Variants in NALCN observed in about 807,000 individuals in gnomAD.
NALCN encodes the protein sodium leak channel NALCN.
In NALCN, 111 loss-of-function variants were observed where a neutral mutation model predicts 225.3. That is an observed-to-expected ratio of 0.49 (90% CI 0.42 to 0.58). NALCN has a LOEUF of 0.58. Ranked by LOEUF, NALCN falls within the 20% of genes least tolerant of loss-of-function variation. NALCN has a pLI of 0.00. For missense variants in NALCN, 1,378 were observed against 2,202.4 expected, an observed-to-expected ratio of 0.63 and a Z score of 7.49; for synonymous variants, 764 against 769.0, an observed-to-expected ratio of 0.99 and a Z score of 0.11.
At chr13:101,395,466 T>TC in intron 2 of NALCN, 101 bp from the exon 3 acceptor site, 1 of 1,126,922 alleles carries the variant, frequency 8.9e-7, no homozygotes, top group Non-Finnish European at 1.2e-6. Flanking sequence ...GAGGTTAAAA[T>TC]AGTTTACTAA....
intron 12 of NALCN, among the ~76,000 whole-genome samples, chr13:101,237,246 C>A (rs1369190163): frequency 6.6e-6 from 1 of 151,902 alleles, no homozygotes; most frequent in Non-Finnish European, 1.5e-5. Flanking sequence ...AAGTAACAGG[C>A]ATTTATAAAT....
At chr13:101,255,349 G>A (rs933870420) in intron 11 of NALCN, among the ~76,000 whole-genome samples, 4 of 152,152 alleles carry the variant, frequency 2.6e-5, no homozygotes, top group Non-Finnish European at 5.9e-5. Flanking sequence ...ACATGAAAAA[G>A]TTAGGTAAAA....
intron 7 of NALCN, among the ~76,000 whole-genome samples, chr13:101,317,693 C>G (rs746000326): frequency 6.6e-6 from 1 of 152,162 alleles, no homozygotes; most frequent in African/African-American, 2.4e-5. Context: ...TCTTCCTGTT[C>G]TTTCACACCC....
At position 101,292,038 on chromosome 13, in the gene NALCN, T is replaced by C; in HGVS notation, c.999A>G (p.Gln333=). 6.2e-7 allele frequency: 1 copy of C among 1,614,118 alleles called. No homozygotes were observed. Among genetic ancestry groups the C allele is most frequent in the Non-Finnish European group, 8.5e-7 (1 of 1,180,016 alleles). ...ETFAEIRVQF[Q]QMWGSRSSTT... ...TGCTGCTTCTCGATCCCCACATTTG[T>C]TGAAACTGTACTCTGATTTCTGCAA... Residue 333 remains glutamine (Q), a synonymous_variant, in exon 9 of 44, where the codon CAA becomes CAG. Transcript: ENST00000251127. This position sits in a 1 kb window ranked among gnomAD's most constrained non-coding sequence, Gnocchi z 4.3.
At chr13:101,372,237 C>T (rs1053765600) in intron 6 of NALCN, among the ~76,000 whole-genome samples, 3 of 152,128 alleles carry the variant, frequency 2.0e-5, no homozygotes, top group African/African-American at 2.4e-5. Context: ...TTGAAAATTT[C>T]TGTCATGTCT....
At chr13:101,350,177 C>T (rs1443364044) in intron 6 of NALCN, among the ~76,000 whole-genome samples, 2 of 152,120 alleles carry the variant, frequency 1.3e-5, no homozygotes, top group Non-Finnish European at 2.9e-5. Context: ...AATCACTGTC[C>T]TACCTTAACA....
At chr13:101,091,837 C>T (rs1257613170) in intron 28 of NALCN, among the ~76,000 whole-genome samples, 2 of 152,040 alleles carry the variant, frequency 1.3e-5, no homozygotes. Flanking sequence ...CTGTTATGTT[C>T]TAGATCTTCT....
At chr13:101,311,244 C>T (rs1223095993) in intron 7 of NALCN, among the ~76,000 whole-genome samples, 1 of 151,350 alleles carries the variant, frequency 6.6e-6, no homozygotes. Context: ...TGCTTATCAG[C>T]TTAAGGAGAT....
rs537013064 is a variant in NALCN at position 101,412,242 on chromosome 13, A to G, written c.-40+4071T>C. ...ACATGGCTGTGTTCCATGCACTGTG[A>G]TCCCCTCTGTCAGGAAAAACATTTA... is the stretch of plus-strand genomic sequence containing the variant. On this transcript the variant is annotated intron_variant, in intron 1 of 43. Transcript: ENST00000251127. Among the ~76,000 whole-genome samples the G allele has an allele frequency of 3.7e-4, 57 of 152,320 alleles. No homozygotes were observed. In the South Asian group the frequency reaches 6.6e-3, roughly 18 times the overall value.
chr13:101,100,944 G>T, intron 26 of NALCN, 56 bp from the exon 27 acceptor site: 1 of 1,393,042 alleles, frequency 7.2e-7, no homozygotes. Flanking sequence ...TATTAGGTTT[G>T]GTTTAAACAG....
chr13:101,194,223 C>G (rs980467142), intron 13 of NALCN, among the ~76,000 whole-genome samples: 1 of 151,988 alleles, frequency 6.6e-6, no homozygotes, highest in Non-Finnish European at 1.5e-5. Flanking sequence ...CTGGGGTTAT[C>G]CTCTTTTCAT....
Position 101,074,706 on chromosome 13 carries a change from GAGAGAGAC to G in NALCN, c.3955-52_3955-45del, listed in dbSNP as rs1395259722. The G allele has an allele frequency of 5.2e-6, 8 of 1,539,948 alleles. No individual in the cohort carries two copies. The South Asian group carries it at 7.4e-5, about 14-fold the overall frequency. On this transcript the variant is annotated intron_variant, in intron 35 of 43. Coordinates refer to ENST00000251127, the MANE Select transcript of NALCN (RefSeq NM_052867.4). ...AAGCGGGGAGACAGAGAGAGAGAGA[GAGAGAGAC>G]AGAGACAGAGAGAGAGAGAGAGAGA...
chr13:101,312,179 T>C (rs1411326934), intron 7 of NALCN, among the ~76,000 whole-genome samples: 1 of 152,228 alleles, frequency 6.6e-6, no homozygotes, highest in Non-Finnish European at 1.5e-5. Flanking sequence ...TGATGGTAGT[T>C]TGCATTTCTG....
At chr13:101,090,876 C>T (rs2034197389) in intron 28 of NALCN, among the ~76,000 whole-genome samples, 1 of 152,150 alleles carries the variant, frequency 6.6e-6, no homozygotes, top group South Asian at 2.1e-4. Flanking sequence ...CCTTCCTCCT[C>T]CCATTTGAAG....
intron 1 of NALCN, among the ~76,000 whole-genome samples, chr13:101,402,731 C>T (rs1243379568): frequency 6.6e-6 from 1 of 152,168 alleles, no homozygotes; most frequent in Non-Finnish European, 1.5e-5. Flanking sequence ...ATCGGTGCTG[C>T]TTCCCCCGCA....
At chr13:101,404,053 G>C (rs941675783) in intron 1 of NALCN, among the ~76,000 whole-genome samples, 1 of 152,106 alleles carries the variant, frequency 6.6e-6, no homozygotes, top group Non-Finnish European at 1.5e-5. Flanking sequence ...AAACATACTA[G>C]GTCTTTTCCC....
intron 11 of NALCN, among the ~76,000 whole-genome samples, chr13:101,257,401 C>A (rs1352316642): frequency 6.6e-6 from 1 of 152,048 alleles, no homozygotes; most frequent in African/African-American, 2.4e-5. Context: ...ACGTAGATGT[C>A]TATGCTCGTT....
chr13:101,356,753 C>CT (rs2046074433), intron 6 of NALCN, among the ~76,000 whole-genome samples: 2 of 152,132 alleles, frequency 1.3e-5, no homozygotes, highest in African/African-American at 4.8e-5. Context: ...AACTTCAGGC[C>CT]AATATCCCTG....
At chr13:101,180,635 C>T (rs2039167735) in intron 14 of NALCN, 1 of 170,146 alleles carries the variant, frequency 5.9e-6, no homozygotes. Flanking sequence ...TATTCCGGGC[C>T]TCTCCACCGA....
Sources: gnomAD v4.1 joint callset for allele counts (sites outside exome capture counted in the v4.1 genomes callset) on GRCh38, gnomAD v4.1.1 for gene constraint, Gnocchi (gnomAD v3.1) non-coding constraint, MANE v1.5 for transcripts, NCBI Gene and HGNC (gene_info 2026-07-23, HGNC 2026-07-21) for gene names.